KCNMB4: variants seen among roughly 807,000 people sequenced by gnomAD.
KCNMB4 encodes calcium-activated potassium channel subunit beta-4.
In KCNMB4, 3 loss-of-function variants were observed where a neutral mutation model predicts 20.7. That is an observed-to-expected ratio of 0.14 (90% CI 0.07 to 0.37). The LOEUF (loss-of-function observed/expected upper bound fraction) is 0.37, where lower values mean the gene tolerates loss of function less well. Ranked by LOEUF, KCNMB4 falls within the 10% of genes least tolerant of loss-of-function variation. KCNMB4 has a pLI of 1.00. For missense variants in KCNMB4, 168 were observed against 265.9 expected, an observed-to-expected ratio of 0.63 and a Z score of 2.56; for synonymous variants, 110 against 113.4, an observed-to-expected ratio of 0.97 and a Z score of 0.19.
chr12:70,382,242 G>A (rs1375864485), intron 1 of KCNMB4, among the ~76,000 whole-genome samples: 1 of 151,522 alleles, frequency 6.6e-6, no homozygotes, highest in Admixed American at 6.6e-5. Flanking sequence ...TCAGGAGATC[G>A]AGACCACGGT....
At chr12:70,387,676 G>A (rs1473316515) in intron 1 of KCNMB4, among the ~76,000 whole-genome samples, 3 of 151,252 alleles carry the variant, frequency 2.0e-5, no homozygotes, top group African/African-American at 7.3e-5. Context: ...TTTTTTAATT[G>A]TTTTAATTTT....
At chr12:70,398,195 G>T (rs920715822) in intron 1 of KCNMB4, among the ~76,000 whole-genome samples, 1 of 151,986 alleles carries the variant, frequency 6.6e-6, no homozygotes, top group African/African-American at 2.4e-5. Flanking sequence ...CAGTGGGCAG[G>T]ATCTCTTCTG....
At chr12:70,402,215 C>G (rs1226715912) in intron 2 of KCNMB4, among the ~76,000 whole-genome samples, 3 of 152,116 alleles carry the variant, frequency 2.0e-5, no homozygotes, top group Non-Finnish European at 4.4e-5. Context: ...CAGATATCAC[C>G]TTCTCTGGGG....
chr12:70,376,723 AAC>A, intron 1 of KCNMB4, among the ~76,000 whole-genome samples: 1 of 150,762 alleles, frequency 6.6e-6, no homozygotes, highest in Non-Finnish European at 1.5e-5. Flanking sequence ...AAAAAAACAA[AAC>A]GCCAGATGTC....
At chr12:70,422,330 C>A (rs578022592) in intron 2 of KCNMB4, among the ~76,000 whole-genome samples, 5 of 152,274 alleles carry the variant, frequency 3.3e-5, no homozygotes, top group East Asian at 3.9e-4. Context: ...TTAAAGGAAA[C>A]CTCTCAGGAA....
rs1452853535 is a variant in KCNMB4, at chr12:70,432,927, AAT to A, written c.*2275_*2276del. 1 of 152,204 alleles carries A rather than the reference AAT, an allele frequency of 6.6e-6. No homozygotes were observed. Among genetic ancestry groups the A allele is most frequent in the Non-Finnish European group, 1.5e-5 (1 of 68,036 alleles). The allele number at this position is 152,204 out of a possible 1,614,324, so 9.4% of individuals were successfully genotyped here. On this transcript the variant is annotated 3_prime_UTR_variant, in exon 3 of 3. Transcript: ENST00000258111. ...AAAAAAGGGGAAGTTGATATATATC[AAT>A]CTTAGTTTTCATTTATCAGTTTGAT...
intron 1 of KCNMB4, among the ~76,000 whole-genome samples, chr12:70,395,261 A>C (rs557854271): frequency 6.6e-6 from 1 of 152,238 alleles, no homozygotes; most frequent in South Asian, 2.1e-4. Flanking sequence ...AACCAAATGA[A>C]GTCAATGGAA....
chr12:70,366,639 T>TGGG lies in KCNMB4; in HGVS notation c.-94_-93insGGG. 1 of 902,296 alleles carries TGGG rather than the reference T, an allele frequency of 1.1e-6. No individual in the cohort carries two copies. Among genetic ancestry groups the TGGG allele is most frequent in the Non-Finnish European group, 1.4e-6 (1 of 712,276 alleles). The allele number at this position is 902,296 out of a possible 1,614,324, so 55.9% of individuals were successfully genotyped here. On this transcript the variant is annotated 5_prime_UTR_variant, in exon 1 of 3. Coordinates refer to ENST00000258111, the MANE Select transcript of KCNMB4 (RefSeq NM_014505.6). ...CCCTGCTGTCGCGCGGCGGCGGCGG[T>TGGG]GGCGGCGGCGGCTCCTCCCGCCCGA...
intron 1 of KCNMB4, among the ~76,000 whole-genome samples, chr12:70,380,444 G>A (rs532727414): frequency 6.6e-6 from 1 of 152,154 alleles, no homozygotes; most frequent in Non-Finnish European, 1.5e-5. Context: ...TGAAGTAAGT[G>A]CATGCTGTTG....
At chr12:70,414,154 C>T (rs991716779) in intron 2 of KCNMB4, among the ~76,000 whole-genome samples, 27 of 152,222 alleles carry the variant, frequency 1.8e-4, no homozygotes, top group Admixed American at 9.2e-4. Context: ...ATTGCTTGAA[C>T]CCGGGAGGCA....
In KCNMB4 at chr12:70,431,687, T is replaced by G. The variant is rs974395610; in HGVS notation, c.*1034T>G. 6.6e-6 allele frequency: 1 copy of G among 152,232 alleles called. No individual in the cohort carries two copies. Among genetic ancestry groups the G allele is most frequent in the Non-Finnish European group, 1.5e-5 (1 of 68,042 alleles). 9.4% of individuals were successfully genotyped at this position (152,232 alleles called of 1,614,324 possible). ...ACATCATTGCTACTGATGAGCTTTCTGTGCCTTTATCAAAAGTTGATTGAG... is the reference window on the plus strand; with the variant it reads ...ACATCATTGCTACTGATGAGCTTTCGGTGCCTTTATCAAAAGTTGATTGAG... On this transcript the variant is annotated 3_prime_UTR_variant, in exon 3 of 3. Transcript: ENST00000258111.
Position 70,370,593 on chromosome 12 carries a change from C to T in KCNMB4, c.336+3523C>T, listed in dbSNP as rs145918314. Among the ~76,000 whole-genome samples the T allele has an allele frequency of 1.9e-3, 289 of 152,166 alleles. 2 individuals are homozygous for T. Among genetic ancestry groups the T allele is most frequent in the African/African-American group, 6.7e-3 (280 of 41,548 alleles). ...AAAGGGCTGGGATTACAGGCATGAG[C>T]CACCGCGCCCGGCCAGTGCTACTGA... is the stretch of plus-strand genomic sequence containing the variant. On this transcript the variant is annotated intron_variant, in intron 1 of 2. Transcript: ENST00000258111.
At chr12:70,402,225 G>A (rs1868471509) in intron 2 of KCNMB4, among the ~76,000 whole-genome samples, 1 of 152,032 alleles carries the variant, frequency 6.6e-6, no homozygotes, top group African/African-American at 2.4e-5. Context: ...CTTCTCTGGG[G>A]TGCCTTCCTT....
chr12:70,396,230 A>T (rs984489233), intron 1 of KCNMB4, among the ~76,000 whole-genome samples: 1 of 152,184 alleles, frequency 6.6e-6, no homozygotes, highest in Non-Finnish European at 1.5e-5. Flanking sequence ...CTAAAGATAG[A>T]GATATGGAAA....
intron 2 of KCNMB4, among the ~76,000 whole-genome samples, chr12:70,401,506 C>G (rs780650421): frequency 6.6e-6 from 1 of 152,190 alleles, no homozygotes; most frequent in Non-Finnish European, 1.5e-5. Context: ...CTTTCTAACA[C>G]ATGAGTCTAA....
At chr12:70,392,161 C>G (rs913170250) in intron 1 of KCNMB4, among the ~76,000 whole-genome samples, 1 of 152,130 alleles carries the variant, frequency 6.6e-6, no homozygotes, top group Non-Finnish European at 1.5e-5. Flanking sequence ...ATAATGCCAT[C>G]AATGAAGCCA....
chr12:70,367,432 G>A (rs544275239), intron 1 of KCNMB4, among the ~76,000 whole-genome samples: 167 of 152,244 alleles, frequency 1.1e-3, no homozygotes, highest in Middle Eastern at 6.8e-3. Context: ...AGTGGTTAGC[G>A]GGGATCCACC....
At chr12:70,375,479 T>TAA (rs72220922) in intron 1 of KCNMB4, among the ~76,000 whole-genome samples, 46,841 of 146,904 alleles carry the variant, frequency 0.32, 8,975 homozygotes, top group African/African-American at 0.54. Flanking sequence ...CTACAAAAAT[T>TAA]AAAAAAAAAA....
chr12:70,396,492 G>A (rs1005824728), intron 1 of KCNMB4, among the ~76,000 whole-genome samples: 8 of 152,126 alleles, frequency 5.3e-5, no homozygotes, highest in African/African-American at 7.2e-5. Context: ...TTTCAGTAGA[G>A]ATGGGGTTTT....
Sources: gnomAD v4.1 joint callset for allele counts (sites outside exome capture counted in the v4.1 genomes callset) on GRCh38, gnomAD v4.1.1 for gene constraint, MANE v1.5 for transcripts, NCBI Gene and HGNC (gene_info 2026-07-23, HGNC 2026-07-21) for gene names.